The following FBLIM1 variants were observed in gnomAD, a reference collection of about 807,000 sequenced individuals.
The protein encoded by FBLIM1 is filamin binding LIM protein 1, also known as filamin-binding LIM protein 1.
FBLIM1 carries 29 observed loss-of-function variants against 37.4 expected under a neutral mutation model. The observed-to-expected ratio is 0.77, with a 90% confidence interval of 0.58 to 1.06. FBLIM1 has a LOEUF of 1.06. FBLIM1 is among the 50% of genes least tolerant of loss of function. The pLI, the probability that FBLIM1 is intolerant of heterozygous loss-of-function variation, is 0.00. For missense variants in FBLIM1, 449 were observed against 505.6 expected (o/e 0.89, Z 1.07); for synonymous variants, 193 against 199.0 (o/e 0.97, Z 0.25).
intron 6 of FBLIM1, among the ~76,000 whole-genome samples, chr1:15,771,498 G>C (rs1335794455): frequency 6.6e-6 from 1 of 151,738 alleles, no homozygotes; most frequent in Non-Finnish European, 1.5e-5. Context: ...CCACCCCCTC[G>C]GCCTCACAAA....
In FBLIM1 at chr1:15,784,649, G is replaced by A. The variant is rs779312815; in HGVS notation, c.1110G>A (p.Ala370=). 1.9e-5 allele frequency: 30 copies of A among 1,613,920 alleles called. No individual in the cohort carries two copies. Among genetic ancestry groups the A allele is most frequent in the South Asian group, 3.3e-5 (3 of 91,076 alleles). Residue 370 remains alanine, a synonymous_variant, in exon 9 of 9, where the codon GCG becomes GCA. Transcript: ENST00000375766. ...CKPCHVKRSA[A]GCC ...CATGCCATGTGAAGCGGAGTGCTGC[G>A]GGGTGCTGCTGAGAGTGCCCGCTGG...
At chr1:15,780,186 C>T (rs1046360081) in intron 8 of FBLIM1, among the ~76,000 whole-genome samples, 7 of 151,360 alleles carry the variant, frequency 4.6e-5, no homozygotes, top group East Asian at 3.9e-4. Context: ...CCACTGCGCA[C>T]GGCCTGAAAT....
At chr1:15,783,169 T>A (rs971807539) in intron 8 of FBLIM1, among the ~76,000 whole-genome samples, 1 of 152,128 alleles carries the variant, frequency 6.6e-6, no homozygotes, top group African/African-American at 2.4e-5. Flanking sequence ...GCGCAAATTG[T>A]CCCCCCTGTT....
At chr1:15,757,398 C>A (rs1279276896), upstream of FBLIM1, among the ~76,000 whole-genome samples, 1 of 152,182 alleles carries the variant, frequency 6.6e-6, no homozygotes, top group Non-Finnish European at 1.5e-5. This position sits in a 1 kb window ranked among gnomAD's most constrained non-coding sequence, Gnocchi z 4.1. Context: ...GTGCTCATGG[C>A]TCTTGTGGGA....
Position 15,773,151 on chromosome 1 carries a change from C to A in FBLIM1, c.712-1467C>A, listed in dbSNP as rs530846339. On this transcript the variant is annotated intron_variant, in intron 6 of 8. Transcript: ENST00000375766. ...CCAGGTGCCGTGGCTCATGCCAGGC[C>A]GAGGCAGGTGGATCACCTGAGGTTA... Among the ~76,000 whole-genome samples the A allele has an allele frequency of 2.6e-5, 4 of 152,008 alleles. 1 individual carries two copies. Among genetic ancestry groups the A allele is most frequent in the African/African-American group, 7.2e-5 (3 of 41,392 alleles).
intron 1 of FBLIM1, among the ~76,000 whole-genome samples, chr1:15,759,903 A>G (rs781251911): frequency 2.0e-5 from 3 of 152,172 alleles, no homozygotes; most frequent in African/African-American, 2.4e-5. Flanking sequence ...TCCGTACCCA[A>G]AGGTAGACTG....
intron 8 of FBLIM1, 29 bp from the exon 9 acceptor site, chr1:15,784,519 C>T (rs144567113): frequency 0.018 from 28,237 of 1,590,334 alleles, 318 homozygotes; most frequent in Non-Finnish European, 0.02. Context: ...AGGCCCAGGG[C>T]GGGTCAGCAT....
In FBLIM1 at chr1:15,775,093, G is replaced by A. The variant is rs761080012; in HGVS notation, c.890+297G>A. ...AAATTAGCCAGGCATGGTGGCGGGC[G>A]CCTGTAGTCCCAGCTACTCGGGAGG... On this transcript the variant is annotated intron_variant, in intron 7 of 8. Coordinates refer to ENST00000375766, the MANE Select transcript of FBLIM1 (RefSeq NM_017556.4). The A allele has an allele frequency of 6.2e-4, 332 of 531,602 alleles. 1 individual carries two copies. Among genetic ancestry groups the A allele is most frequent in the Non-Finnish European group, 8.5e-4 (256 of 302,606 alleles). 32.9% of individuals were successfully genotyped at this position (531,602 alleles called of 1,614,324 possible). A position where few individuals can be genotyped will look rare whatever the true frequency, so the allele number is the denominator to read the frequency against.
intron 8 of FBLIM1, among the ~76,000 whole-genome samples, chr1:15,783,544 G>A (rs986226868): frequency 3.4e-5 from 5 of 148,868 alleles, no homozygotes; most frequent in African/African-American, 1.2e-4. Flanking sequence ...CTTAAACAGG[G>A]TTCCTGTCTC....
intron 1 of FBLIM1, among the ~76,000 whole-genome samples, chr1:15,760,531 G>GAAAAAAA (rs34356141): frequency 3.1e-5 from 3 of 97,636 alleles, no homozygotes; most frequent in African/African-American, 1.2e-4. Context: ...TTCTGTCTCA[G>GAAAAAAA]AAAAAAAAAA....
Position 15,784,749 on chromosome 1 carries a change from CT to C in FBLIM1, c.*91del. 2 of 1,186,220 alleles carry C rather than the reference CT, an allele frequency of 1.7e-6. No homozygotes were observed. The highest frequency in any genetic ancestry group is 2.5e-6 in the Non-Finnish European group (2 of 815,180). The allele number at this position is 1,186,220 out of a possible 1,614,324, so 73.5% of individuals were successfully genotyped here. On this transcript the variant is annotated 3_prime_UTR_variant, in exon 9 of 9. Coordinates refer to ENST00000375766, the MANE Select transcript of FBLIM1 (RefSeq NM_017556.4). Reference sequence around the variant, plus strand: ...TCCCTTCCTAACCTGCTCTTGCACACTTTCCTTCTGAGCCTCCATGGAGACC... The same window carrying C: ...TCCCTTCCTAACCTGCTCTTGCACACTTCCTTCTGAGCCTCCATGGAGACC...
At chr1:15,778,497 A>G (rs772983141) in intron 8 of FBLIM1, among the ~76,000 whole-genome samples, 7 of 152,200 alleles carry the variant, frequency 4.6e-5, no homozygotes, top group Non-Finnish European at 1.0e-4. Flanking sequence ...CTCATGTAGG[A>G]GGCAATGCTT....
chr1:15,774,843 G>A, intron 7 of FBLIM1, 47 bp downstream of exon 7: 1 of 1,613,902 alleles, frequency 6.2e-7, no homozygotes, highest in South Asian at 1.1e-5. Flanking sequence ...GACAGGGCGA[G>A]ACCCAAGCAG....
Position 15,764,892 on chromosome 1 carries a change from C to T in FBLIM1, c.-20-72C>T, listed in dbSNP as rs888211105. The T allele has an allele frequency of 2.0e-6, 3 of 1,499,740 alleles. No homozygotes were observed. In the African/African-American group the frequency reaches 4.2e-5, roughly 21 times the overall value. The allele number at this position is 1,499,740 out of a possible 1,614,324, so 92.9% of individuals were successfully genotyped here. A position where few individuals can be genotyped will look rare whatever the true frequency, so the allele number is the denominator to read the frequency against. ...GCCTGTCTTTTTGGGAGGAGGGAGG[C>T]TCTCTCCTCTCGGGGGAGGGTGGCT... On this transcript the variant is annotated intron_variant, in intron 2 of 8. Transcript: ENST00000375766.
chr1:15,762,789 C>T (rs932144189), intron 1 of FBLIM1, among the ~76,000 whole-genome samples: 1 of 152,222 alleles, frequency 6.6e-6, no homozygotes, highest in Non-Finnish European at 1.5e-5. Flanking sequence ...CCAGCCTGTC[C>T]TGCCCTGGGG....
At chr1:15,758,307 C>T (rs2068494756), upstream of FBLIM1, 1 of 152,238 alleles carries the variant, frequency 6.6e-6, no homozygotes. This position sits in a 1 kb window ranked among gnomAD's most constrained non-coding sequence, Gnocchi z 6.2. Flanking sequence ...TGACGCAAGA[C>T]CCTGGCGGAT....
intron 1 of FBLIM1, among the ~76,000 whole-genome samples, chr1:15,761,785 G>T (rs944445881): frequency 2.0e-5 from 3 of 152,192 alleles, no homozygotes; most frequent in Non-Finnish European, 2.9e-5. Flanking sequence ...TTAGGAGCAC[G>T]TGTTATTGTT....
chr1:15,775,028 C>A (rs1450912532), intron 7 of FBLIM1: 3 of 830,178 alleles, frequency 3.6e-6, no homozygotes, highest in Non-Finnish European at 5.5e-6. Context: ...ATCATCCTGG[C>A]TAACATGGTG....
rs565012501 is a variant in FBLIM1, at chr1:15,777,097, G to C, written c.891-73G>C. The C allele has an allele frequency of 1.0e-5, 13 of 1,241,562 alleles. No individual in the cohort carries two copies. In the East Asian group the frequency reaches 2.6e-4, roughly 25 times the overall value. The allele number at this position is 1,241,562 out of a possible 1,614,324, so 76.9% of individuals were successfully genotyped here. On this transcript the variant is annotated intron_variant, in intron 7 of 8. Transcript: ENST00000375766. ...TCAGGAGGTGAACACCAGCCAGCCC[G>C]AGTTCTGACAGCTAATTAATTTCTG...
Sources: allele counts gnomAD v4.1 joint callset (sites outside exome capture counted in the v4.1 genomes callset), GRCh38; gene constraint gnomAD v4.1.1; non-coding constraint Gnocchi (gnomAD v3.1); transcripts MANE v1.5; gene names NCBI Gene and HGNC (gene_info 2026-07-23, HGNC 2026-07-21).